Variants in ADGRL3 observed in about 807,000 individuals in gnomAD.
ADGRL3 encodes the protein adhesion G protein-coupled receptor L3.
A neutral mutation model predicts 153.5 loss-of-function variants in ADGRL3; 62 were observed. The ratio of observed to expected loss-of-function variants is 0.40; its 90% confidence interval spans 0.33 to 0.50. The LOEUF (loss-of-function observed/expected upper bound fraction) is 0.50, where lower values mean the gene tolerates loss of function less well. ADGRL3 is among the 20% of genes least tolerant of loss of function. ADGRL3 has a pLI of 0.47. For synonymous variants in ADGRL3, 710 were observed against 672.5 expected (o/e 1.06, Z -0.86); for missense variants, 1,641 against 1,859.4 (o/e 0.88, Z 2.16).
intron 9 of ADGRL3, among the ~76,000 whole-genome samples, chr4:61,886,941 C>G (rs1293694643): frequency 1.3e-5 from 2 of 152,050 alleles, no homozygotes; most frequent in Non-Finnish European, 2.9e-5. Context: ...ACCACTACAC[C>G]CAGCCTTCTT....
intron 8 of ADGRL3, among the ~76,000 whole-genome samples, chr4:61,779,902 G>A (rs2097195218): frequency 6.6e-6 from 1 of 152,036 alleles, no homozygotes; most frequent in Admixed American, 6.6e-5. Context: ...TTAAAATGCT[G>A]ATTTTCTGTC....
At position 62,070,622 on chromosome 4, in the gene ADGRL3, G is replaced by C; in HGVS notation, c.4346G>C (p.Arg1449Thr). 6.4e-7 allele frequency: 1 copy of C among 1,551,562 alleles called. No homozygotes were observed. The highest frequency in any genetic ancestry group is 1.7e-4 in the Middle Eastern group (1 of 5,996). ...ACAGAAGATCTCCAGTCACCCCATAGAGACTCTCTCTATACCAGCATGCCG... is the reference window on the plus strand; with the variant it reads ...ACAGAAGATCTCCAGTCACCCCATACAGACTCTCTCTATACCAGCATGCCG... The part of the protein sequence containing the change: ...EHTEDLQSPH[R>T]DSLYTSMPTL... Residue 1449 changes from arginine (R) to threonine (T), a missense_variant, in exon 27 of 27, where the codon AGA becomes ACA. Arg to Thr is a moderately conservative substitution (Grantham distance 71). Transcript: ENST00000683033.
intron 19 of ADGRL3, among the ~76,000 whole-genome samples, chr4:61,987,298 C>G (rs570107540): frequency 6.6e-6 from 1 of 151,668 alleles, no homozygotes; most frequent in Non-Finnish European, 1.5e-5. Flanking sequence ...CCCGAGCAGC[C>G]GAGTAGCTGG....
intron 9 of ADGRL3, among the ~76,000 whole-genome samples, chr4:61,854,558 T>A (rs964865481): frequency 6.6e-6 from 1 of 152,140 alleles, no homozygotes; most frequent in Non-Finnish European, 1.5e-5. Context: ...TAAAAATAAA[T>A]GCATGGGTGA....
At chr4:61,674,249 T>A (rs1465194406) in intron 5 of ADGRL3, among the ~76,000 whole-genome samples, 1 of 151,550 alleles carries the variant, frequency 6.6e-6, no homozygotes, top group Non-Finnish European at 1.5e-5. Flanking sequence ...ACATAACCAT[T>A]TGAAATCCCT....
Position 61,898,622 on chromosome 4 carries a change from C to CTT in ADGRL3, c.1887+2801_1887+2802dup, listed in dbSNP as rs1346233783. On this transcript the variant is annotated intron_variant, in intron 11 of 26. Coordinates refer to ENST00000683033, the MANE Select transcript of ADGRL3 (RefSeq NM_001387552.1). ...GGAAGGCTAGAAATCTCACCCTAAT[C>CTT]TTTTTTTTTTTTTTGAGATGAAGTC... Among the ~76,000 whole-genome samples the CTT allele has an allele frequency of 4.6e-3, 650 of 142,406 alleles. 3 individuals carry two copies. The highest frequency in any genetic ancestry group is 0.016 in the African/African-American group (619 of 39,006). 93.4% of individuals were successfully genotyped at this position (142,406 alleles called of 152,430 possible).
At chr4:61,345,367 ATTATAT>A (rs1330190875) in intron 1 of ADGRL3, among the ~76,000 whole-genome samples, 1 of 152,146 alleles carries the variant, frequency 6.6e-6, no homozygotes, top group Admixed American at 6.6e-5. Context: ...AAGTAATTAA[ATTATAT>A]TTAATTTTGA....
At chr4:61,377,790 T>G (rs2096621929) in intron 1 of ADGRL3, among the ~76,000 whole-genome samples, 1 of 151,956 alleles carries the variant, frequency 6.6e-6, no homozygotes, top group Non-Finnish European at 1.5e-5. Context: ...CTTTGATTAT[T>G]GATTTGAGAT....
chr4:61,389,763 C>T (rs897830813), intron 2 of ADGRL3, among the ~76,000 whole-genome samples: 11 of 152,072 alleles, frequency 7.2e-5, no homozygotes, highest in South Asian at 4.1e-4. Context: ...TTGGAGATAT[C>T]GTGGCTGTCA....
intron 5 of ADGRL3, among the ~76,000 whole-genome samples, chr4:61,650,598 T>A (rs1463007584): frequency 6.6e-6 from 1 of 152,136 alleles, no homozygotes; most frequent in Non-Finnish European, 1.5e-5. Context: ...TTATTTTCTT[T>A]AAATATATTT....
rs139219861 is a variant in ADGRL3 at position 61,348,421 on chromosome 4, T to G, written c.-239-34703T>G. Among the ~76,000 whole-genome samples the G allele has an allele frequency of 1.4e-3, 217 of 152,112 alleles. 3 individuals carry two copies. Among genetic ancestry groups the G allele is most frequent in the African/African-American group, 5.1e-3 (212 of 41,558 alleles). On this transcript the variant is annotated intron_variant, in intron 1 of 26. Transcript: ENST00000683033. Reference sequence around the variant, plus strand: ...TTCTTCCCTGAATACTTCAATGAGATCACGTAATAAATATTCTTTATTATT... The same window carrying G: ...TTCTTCCCTGAATACTTCAATGAGAGCACGTAATAAATATTCTTTATTATT...
At chr4:61,548,264 G>A (rs1401772296) in intron 4 of ADGRL3, among the ~76,000 whole-genome samples, 1 of 152,032 alleles carries the variant, frequency 6.6e-6, no homozygotes, top group Non-Finnish European at 1.5e-5. Context: ...CTTTTGCTGT[G>A]CAGAAGCTCT....
At chr4:61,225,166 T>C (rs1486618835) in intron 1 of ADGRL3, among the ~76,000 whole-genome samples, 1 of 152,206 alleles carries the variant, frequency 6.6e-6, no homozygotes, top group African/African-American at 2.4e-5. Flanking sequence ...TAATTTGTAC[T>C]CTGGTACTTT....
At chr4:61,231,344 A>G (rs560624851) in intron 1 of ADGRL3, among the ~76,000 whole-genome samples, 9 of 152,300 alleles carry the variant, frequency 5.9e-5, no homozygotes, top group Middle Eastern at 3.4e-3. Flanking sequence ...ATTGGAAGAC[A>G]TGCTATGTCT....
At chr4:61,313,349 A>G (rs2095084241) in intron 1 of ADGRL3, among the ~76,000 whole-genome samples, 1 of 152,194 alleles carries the variant, frequency 6.6e-6, no homozygotes, top group African/African-American at 2.4e-5. Context: ...AACCCATAGG[A>G]TGTACAACAC....
intron 9 of ADGRL3, among the ~76,000 whole-genome samples, chr4:61,866,461 G>A (rs1278847835): frequency 6.6e-6 from 1 of 152,152 alleles, no homozygotes; most frequent in Non-Finnish European, 1.5e-5. Flanking sequence ...AACTTCCTCA[G>A]GATCATCTGC....
At chr4:61,214,972 G>A (rs1418644468) in intron 1 of ADGRL3, among the ~76,000 whole-genome samples, 1 of 151,968 alleles carries the variant, frequency 6.6e-6, no homozygotes, top group Non-Finnish European at 1.5e-5. Context: ...GATACATAAT[G>A]TGAAATGTCC....
At chr4:61,556,261 T>C (rs1367516303) in intron 4 of ADGRL3, among the ~76,000 whole-genome samples, 2 of 152,068 alleles carry the variant, frequency 1.3e-5, no homozygotes, top group African/African-American at 4.8e-5. Context: ...ATAAAGAATA[T>C]AGTCAGAGGA....
chr4:61,335,893 TTG>T (rs1250540003), intron 1 of ADGRL3, among the ~76,000 whole-genome samples: 1 of 152,168 alleles, frequency 6.6e-6, no homozygotes, highest in Non-Finnish European at 1.5e-5. Context: ...ATCATTGTCA[TTG>T]TAGGAGAAAA....
Sources: allele counts gnomAD v4.1 joint callset (sites outside exome capture counted in the v4.1 genomes callset), GRCh38; gene constraint gnomAD v4.1.1; transcripts MANE v1.5; gene names NCBI Gene and HGNC (gene_info 2026-07-23, HGNC 2026-07-21).